The following BTN3A1 variants were observed in gnomAD, a reference collection of about 807,000 sequenced individuals.
BTN3A1 encodes dJ45P21.3 (butyrophilin, subfamily 3, member A1).
A neutral mutation model predicts 43.0 loss-of-function variants in BTN3A1; 24 were observed. The observed-to-expected ratio is 0.56, with a 90% CI of 0.40 to 0.78. The LOEUF is 0.78. Ranked by LOEUF, BTN3A1 falls within the 30% of genes least tolerant of loss-of-function variation. BTN3A1 has a pLI of 0.00. For synonymous variants in BTN3A1, 181 were observed against 234.7 expected (o/e 0.77, Z 2.09); for missense variants, 533 against 626.2 (o/e 0.85, Z 1.59).
chr6:26,413,247 A>G lies in BTN3A1; in HGVS notation c.1097A>G (p.Lys366Arg). Residue 366 changes from lysine to arginine, a missense_variant, in exon 10 of 10, where the codon AAG becomes AGG. Lys to Arg is a conservative substitution (Grantham distance 26, BLOSUM62 2). Coordinates refer to ENST00000289361, the MANE Select transcript of BTN3A1 (RefSeq NM_007048.6). ...GACCAGAGGAGTGTGCAGCGTGCCAAGGAGCCCCAGGATCTGCCAGACAAC... is the reference window on the plus strand; with the variant it reads ...GACCAGAGGAGTGTGCAGCGTGCCAGGGAGCCCCAGGATCTGCCAGACAAC... Reference protein sequence around the residue: ...SEDQRSVQRAKEPQDLPDNPE... With the variant: ...SEDQRSVQRAREPQDLPDNPE... The G allele has an allele frequency of 1.2e-5, 20 of 1,614,188 alleles. No homozygotes were observed. Among genetic ancestry groups the G allele is most frequent in the Non-Finnish European group, 1.5e-5 (18 of 1,180,026 alleles).
chr6:26,403,603 T>TTA lies in BTN3A1; in HGVS notation c.-193+1201_-193+1202dup, dbSNP rs1554131578. On this transcript the variant is annotated intron_variant, in intron 1 of 9. Coordinates refer to ENST00000289361, the MANE Select transcript of BTN3A1 (RefSeq NM_007048.6). ...AGCATATAACTTTTTTTAAGGCCCTTTATATATATATGGTCAAAATACTTC... is the reference window on the plus strand; with the variant it reads ...AGCATATAACTTTTTTTAAGGCCCTTTATATATATATATGGTCAAAATACTTC... Among the ~76,000 whole-genome samples the TTA allele has an allele frequency of 2.6e-5, 4 of 151,798 alleles. No individual in the cohort carries two copies. In the South Asian group the frequency reaches 6.2e-4, roughly 24 times the overall value.
Position 26,407,690 on chromosome 6 carries a change from C to A in BTN3A1, c.453C>A (p.His151Gln), listed in dbSNP as rs147375005. The change falls in exon 4 of 10, where the codon CAC becomes CAA. Residue 151 changes from histidine (H) to glutamine (Q), a missense_variant. Physicochemically the swap from His to Gln is conservative, Grantham distance 24. This residue lies in a region of BTN3A1 where 51 missense variants were observed against 90.9 expected (regional missense o/e 0.56). Coordinates refer to ENST00000289361, the MANE Select transcript of BTN3A1 (RefSeq NM_007048.6). The stretch of plus-strand genomic sequence containing the variant: ...CCACAGCACTGGGTTCTGATCTTCA[C>A]GTTGATGTGAAGGGTTACAAGGATG... ...LKVAALGSDLHVDVKGYKDGG... is the reference protein window; with the variant it reads ...LKVAALGSDLQVDVKGYKDGG... 5.6e-6 allele frequency: 9 copies of A among 1,614,054 alleles called. No homozygotes were observed. The highest frequency in any genetic ancestry group is 6.8e-6 in the Non-Finnish European group (8 of 1,180,016).
rs1762132384 is a variant in BTN3A1 at position 26,409,523 on chromosome 6, G to A, written c.716-10G>A. On this transcript the variant is annotated splice_polypyrimidine_tract_variant and intron_variant, in intron 4 of 9. Coordinates refer to ENST00000289361, the MANE Select transcript of BTN3A1 (RefSeq NM_007048.6). ...CCGGCCCCCATGACCCACAGCCGTT[G>A]CCTTCACAGACCCCTTCTTCAGGAG... The A allele has an allele frequency of 1.2e-6, 2 of 1,612,960 alleles. No individual in the cohort carries two copies. The highest frequency in any genetic ancestry group is 1.1e-5 in the South Asian group (1 of 91,038).
At chr6:26,405,705 A>G in intron 2 of BTN3A1, 57 bp downstream of exon 2, 1 of 1,603,968 alleles carries the variant, frequency 6.2e-7, no homozygotes, top group Non-Finnish European at 8.5e-7. Context: ...TTATGTCCTC[A>G]TAGGACTTTT....
At chr6:26,411,738 GC>G in intron 9 of BTN3A1, 157 bp downstream of exon 9, 1 of 908,942 alleles carries the variant, frequency 1.1e-6, no homozygotes, top group Non-Finnish European at 1.7e-6. Context: ...TGAAAAGTGG[GC>G]CCATCTCCAA....
intron 1 of BTN3A1, chr6:26,404,208 T>G (rs73387058): frequency 6.6e-6 from 1 of 152,254 alleles, no homozygotes; most frequent in Non-Finnish European, 1.5e-5. Flanking sequence ...CTCCTTTGTT[T>G]TGGAAGAAAC....
At chr6:26,405,809 C>A in intron 2 of BTN3A1, 100 bp from the exon 3 acceptor site, 14 of 1,600,930 alleles carry the variant, frequency 8.7e-6, no homozygotes, top group Non-Finnish European at 1.2e-5. Context: ...TTTCCCCCAC[C>A]AGTTTCTTTG....
At position 26,413,156 on chromosome 6, in the gene BTN3A1, A is replaced by G. The variant is rs1325012210; in HGVS notation, c.1019-13A>G. On this transcript the variant is annotated splice_polypyrimidine_tract_variant and intron_variant, in intron 9 of 9. Transcript: ENST00000289361. Reference sequence around the variant, plus strand: ...TGGTTGACCTCATGGACACTTCCTCAAACTCTCTGCAGCGGATGTGATTCT... The same window carrying G: ...TGGTTGACCTCATGGACACTTCCTCGAACTCTCTGCAGCGGATGTGATTCT... The G allele has an allele frequency of 4.4e-6, 7 of 1,601,822 alleles. No individual in the cohort carries two copies. The African/African-American group carries it at 6.7e-5, about 15-fold the overall frequency.
rs1033577542 is a variant in BTN3A1, at chr6:26,413,533, G to A, written c.1383G>A (p.Gly461=). 21 of 1,613,958 alleles carry A rather than the reference G, an allele frequency of 1.3e-5. No individual in the cohort carries two copies. Among genetic ancestry groups the A allele is most frequent in the Non-Finnish European group, 1.4e-5 (16 of 1,180,026 alleles). The part of the protein sequence containing the change: ...LKLPKPPKKV[G]VFLDYETGDI... The stretch of plus-strand genomic sequence containing the variant: ...TTCCTAAGCCCCCTAAGAAAGTGGG[G>A]GTCTTCCTGGACTATGAGACTGGAG... The change falls in exon 10 of 10, where the codon GGG becomes GGA. Residue 461 remains glycine, a synonymous_variant. Coordinates refer to ENST00000289361, the MANE Select transcript of BTN3A1 (RefSeq NM_007048.6).
rs1012398735 is a variant in BTN3A1 at position 26,410,122 on chromosome 6, G to T, written c.964+90G>T. ...CTCTTAACTCTTTCCCCAAGGTTGG[G>T]AAGTGGTCTTAGATCCCTTTGACTA... is the stretch of plus-strand genomic sequence containing the variant. On this transcript the variant is annotated intron_variant, in intron 7 of 9. Coordinates refer to ENST00000289361, the MANE Select transcript of BTN3A1 (RefSeq NM_007048.6). 3.9e-6 allele frequency: 6 copies of T among 1,557,274 alleles called. No individual in the cohort carries two copies. The East Asian group carries it at 1.3e-4, about 35-fold the overall frequency.
intron 1 of BTN3A1, among the ~76,000 whole-genome samples, chr6:26,402,935 T>C (rs1761900372): frequency 6.6e-6 from 1 of 152,242 alleles, no homozygotes; most frequent in South Asian, 2.1e-4. Context: ...TTAGCAATGT[T>C]AGATCCATAC....
rs1425624275 is a variant in BTN3A1, at chr6:26,414,813, A to C, written c.*1121A>C. 2.6e-5 allele frequency: 4 copies of C among 151,798 alleles called. No homozygotes were observed. The highest frequency in any genetic ancestry group is 5.9e-5 in the Non-Finnish European group (4 of 67,996). 9.4% of individuals were successfully genotyped at this position (151,798 alleles called of 1,614,324 possible). The stretch of plus-strand genomic sequence containing the variant: ...ACAATTCTCCTGCCTCAGCCTCCCG[A>C]GTACTGGGAATATAGGTGCACGCCA... On this transcript the variant is annotated 3_prime_UTR_variant, in exon 10 of 10. Transcript: ENST00000289361.
chr6:26,413,057 C>A (rs1218715225), intron 9 of BTN3A1, 112 bp from the exon 10 acceptor site: 1 of 1,520,558 alleles, frequency 6.6e-7, no homozygotes, highest in African/African-American at 1.4e-5. Flanking sequence ...AGACTAGGGA[C>A]ACCAGGCTTT....
At chr6:26,408,280 C>CAA (rs1581627307) in intron 4 of BTN3A1, among the ~76,000 whole-genome samples, 2 of 152,038 alleles carry the variant, frequency 1.3e-5, no homozygotes, top group African/African-American at 4.8e-5. Context: ...GAGAAAGAGC[C>CAA]AATCTCCTTG....
intron 3 of BTN3A1, 132 bp downstream of exon 3, chr6:26,406,388 G>T: frequency 1.7e-6 from 1 of 593,590 alleles, no homozygotes; most frequent in Non-Finnish European, 3.0e-6. Flanking sequence ...TCCCAACTTA[G>T]CTTCTCTGAG....
intron 1 of BTN3A1, among the ~76,000 whole-genome samples, chr6:26,403,160 G>A (rs779756890): frequency 5.9e-5 from 9 of 152,154 alleles, no homozygotes; most frequent in Non-Finnish European, 1.2e-4. Flanking sequence ...CTGCTTCCTG[G>A]GTTCCAGTGA....
chr6:26,406,695 T>C (rs969767925), intron 3 of BTN3A1, among the ~76,000 whole-genome samples: 4 of 152,158 alleles, frequency 2.6e-5, no homozygotes, highest in African/African-American at 9.7e-5. Context: ...AGAATACACC[T>C]GTAGTCATGG....
chr6:26,413,378 G>A lies in BTN3A1; in HGVS notation c.1228G>A (p.Gly410Arg). 3.1e-6 allele frequency: 5 copies of A among 1,613,914 alleles called. No individual in the cohort carries two copies. The highest frequency in any genetic ancestry group is 3.4e-6 in the Non-Finnish European group (4 of 1,179,980). ...AGGGGACAGGAAAGAGTGGCATATAGGGGTGTGCAGTAAGAATGTGCAGAG... is the reference window on the plus strand; with the variant it reads ...AGGGGACAGGAAAGAGTGGCATATAAGGGTGTGCAGTAAGAATGTGCAGAG... ...EVGDRKEWHI[G>R]VCSKNVQRKG... Residue 410 changes from glycine to arginine, a missense_variant, in exon 10 of 10, where the codon GGG becomes AGG. Gly to Arg is a moderately radical substitution (Grantham distance 125). Transcript: ENST00000289361.
Position 26,411,553 on chromosome 6 carries a change from A to G in BTN3A1, c.992-2A>G. On this transcript the variant is annotated splice_acceptor_variant, in intron 8 of 9. Transcript: ENST00000289361. LOFTEE classifies it high-confidence loss of function. Reference sequence around the variant, plus strand: ...TCCTTATCTGTGTCTCCTTCCTTTCAGAATGGAAAAAGGCCCTCTTCAAGC... The same window carrying G: ...TCCTTATCTGTGTCTCCTTCCTTTCGGAATGGAAAAAGGCCCTCTTCAAGC... The G allele has an allele frequency of 1.2e-6, 2 of 1,613,690 alleles. No individual in the cohort carries two copies. The highest frequency in any genetic ancestry group is 1.7e-6 in the Non-Finnish European group (2 of 1,179,716).
Sources: gnomAD v4.1 joint callset for allele counts (sites outside exome capture counted in the v4.1 genomes callset) on GRCh38, gnomAD v4.1.1 for gene constraint, gnomAD v4.1.1 regional missense constraint, MANE v1.5 for transcripts, NCBI Gene and HGNC (gene_info 2026-07-23, HGNC 2026-07-21) for gene names.